The following MASP1 variants were observed in gnomAD, a reference collection of about 807,000 sequenced individuals.
The protein encoded by MASP1 is mannan-binding lectin serine protease 1.
In MASP1, 59 loss-of-function variants were observed where a neutral mutation model predicts 77.1. The observed-to-expected ratio is 0.77, with a 90% CI of 0.62 to 0.95. The LOEUF (loss-of-function observed/expected upper bound fraction) is 0.95. Among genes scored for constraint, MASP1 ranks in the 40% least tolerant of loss-of-function variants. MASP1 has a pLI of 0.00. For synonymous variants in MASP1, 362 were observed against 354.5 expected (o/e 1.02, Z -0.24); for missense variants, 885 against 912.9 (o/e 0.97, Z 0.39).
chr3:187,250,438 G>T, intron 7 of MASP1, 109 bp from the exon 8 acceptor site: 1 of 837,174 alleles, frequency 1.2e-6, no homozygotes, highest in Non-Finnish European at 2.1e-6. Context: ...GATCTCGACT[G>T]AGATTTTCCA....
chr3:187,257,015 G>T (rs80241290), intron 4 of MASP1, among the ~76,000 whole-genome samples, 155 bp from the exon 5 acceptor site: 5 of 152,078 alleles, frequency 3.3e-5, no homozygotes, highest in Non-Finnish European at 5.9e-5. Flanking sequence ...TGAAGCTCAA[G>T]GTCGCATGTC....
Position 187,226,474 on chromosome 3 carries a change from G to A in MASP1, c.1488C>T (p.Leu496=), listed in dbSNP as rs756583666. The stretch of plus-strand genomic sequence containing the variant: ...CACGTAGGGTCGGATCTTCCGGATC[G>A]AGTGACTGGTGGAGGCAGTGTGCGG... The change falls in exon 12 of 16, where the codon CTC becomes CTT. Residue 496 remains leucine (L), a synonymous_variant. Transcript: ENST00000337774. 23 of 1,612,862 alleles carry A rather than the reference G, an allele frequency of 1.4e-5. No individual in the cohort carries two copies. The East Asian group carries it at 1.8e-4, about 13-fold the overall frequency.
chr3:187,281,570 C>T (rs1335329843), intron 2 of MASP1, among the ~76,000 whole-genome samples: 1 of 152,194 alleles, frequency 6.6e-6, no homozygotes, highest in Non-Finnish European at 1.5e-5. Flanking sequence ...GATGACATAC[C>T]ACCAAGGCAT....
intron 8 of MASP1, chr3:187,246,322 C>T (rs935293526): frequency 3.2e-6 from 3 of 936,926 alleles, no homozygotes; most frequent in East Asian, 1.2e-4. Flanking sequence ...ATTCTGATGC[C>T]CTGTATGTCA....
exon 12 of MASP1, chr3:187,226,430 G>A: frequency 6.2e-7 from 1 of 1,611,456 alleles, no homozygotes; most frequent in Non-Finnish European, 8.5e-7. Context: ...GAAGTCAGAA[G>A]GGCTGAGCAA....
intron 8 of MASP1, 103 bp from the exon 9 acceptor site, chr3:187,243,724 C>A: frequency 7.1e-7 from 1 of 1,406,172 alleles, no homozygotes; most frequent in Non-Finnish European, 1.0e-6. Context: ...GCACTGCACA[C>A]AATTCCAGAA....
rs373857008 is a variant in MASP1 at position 187,235,957 on chromosome 3, C to T, written c.1914G>A (p.Ser638=). 26 of 1,614,096 alleles carry T rather than the reference C, an allele frequency of 1.6e-5. No homozygotes were observed. The highest frequency in any genetic ancestry group is 4.5e-5 in the East Asian group (2 of 44,904). Reference sequence around the variant, plus strand: ...TGTTCTCCGTGACGCTGTAATTGCCCGAGCGGGACTCATAGCTAGTTTTGC... The same window carrying T: ...TGTTCTCCGTGACGCTGTAATTGCCTGAGCGGGACTCATAGCTAGTTTTGC... ...AECKTSYESR[S]GNYSVTENMF... is the part of the protein sequence containing the mutation. The change falls in exon 11 of 11, where the codon TCG becomes TCA. Residue 638 remains serine (S), a synonymous_variant. Coordinates refer to ENST00000296280, the MANE Select transcript of MASP1 (RefSeq NM_139125.4).
chr3:187,263,031 T>A, intron 2 of MASP1: 1 of 343,842 alleles, frequency 2.9e-6, no homozygotes, highest in South Asian at 3.0e-5. Context: ...TTAGATAACC[T>A]CGCAGACAGA....
chr3:187,283,112 C>T (rs1303674319), intron 2 of MASP1, among the ~76,000 whole-genome samples: 4 of 152,104 alleles, frequency 2.6e-5, no homozygotes, highest in Admixed American at 2.6e-4. Flanking sequence ...CATGTAAGGG[C>T]CCAGGACCAT....
intron 2 of MASP1, among the ~76,000 whole-genome samples, chr3:187,272,613 T>C (rs1322681772): frequency 6.6e-6 from 1 of 151,958 alleles, no homozygotes; most frequent in Non-Finnish European, 1.5e-5. Context: ...ATGACAGCCA[T>C]GTGAAGACAG....
chr3:187,271,886 C>G (rs1363616419), intron 2 of MASP1, among the ~76,000 whole-genome samples: 2 of 152,210 alleles, frequency 1.3e-5, no homozygotes, highest in Non-Finnish European at 2.9e-5. Flanking sequence ...ACTCTGTCAC[C>G]TCCTCTCATT....
chr3:187,222,672 A>C (rs1579456264), intron 14 of MASP1, among the ~76,000 whole-genome samples: 1 of 148,378 alleles, frequency 6.7e-6, no homozygotes, highest in Non-Finnish European at 1.5e-5. Context: ...CCTTACTTTT[A>C]GTTAAGTGTT....
chr3:187,291,205 G>T (rs879811569), intron 1 of MASP1: 1 of 248,366 alleles, frequency 4.0e-6, no homozygotes, highest in Non-Finnish European at 8.0e-6. Flanking sequence ...TTTCTTTTCT[G>T]GTCAGAAGGA....
downstream of MASP1, chr3:187,234,010 C>A: frequency 9.1e-7 from 1 of 1,094,422 alleles, no homozygotes. Context: ...ATGAGGAGAC[C>A]AATTTCTTTT....
Position 187,236,191 on chromosome 3 carries a change from C to T in MASP1, c.1680G>A (p.Gln560=). The change falls in exon 11 of 11, where the codon CAG becomes CAA. Residue 560 remains glutamine (Q), a synonymous_variant. Transcript: ENST00000296280. ...CGTGGGGTCCCAGGGGCACAGGCTCCTGCAGCTGCACCAGAGCTATATCGT... is the reference window on the plus strand; with the variant it reads ...CGTGGGGTCCCAGGGGCACAGGCTCTTGCAGCTGCACCAGAGCTATATCGT... ...YNHDIALVQL[Q]EPVPLGPHVM... 6.2e-7 allele frequency: 1 copy of T among 1,614,172 alleles called. No individual in the cohort carries two copies. The highest frequency in any genetic ancestry group is 8.5e-7 in the Non-Finnish European group (1 of 1,180,052).
chr3:187,269,820 T>C (rs80288719), intron 2 of MASP1, among the ~76,000 whole-genome samples: 11,886 of 152,250 alleles, frequency 0.078, 499 homozygotes, highest in African/African-American at 0.11. Context: ...CAAATAACTT[T>C]TCTTTTGGGT....
intron 8 of MASP1, among the ~76,000 whole-genome samples, chr3:187,248,560 C>T (rs886462061): frequency 6.6e-6 from 1 of 152,154 alleles, no homozygotes. Context: ...TTACCTTCTC[C>T]TTCAACATGG....
At chr3:187,276,241 A>T (rs1349462068) in intron 2 of MASP1, among the ~76,000 whole-genome samples, 1 of 152,112 alleles carries the variant, frequency 6.6e-6, no homozygotes, top group African/African-American at 2.4e-5. Flanking sequence ...GCCCTGCTCT[A>T]TTTTATTTTT....
At chr3:187,225,670 A>T (rs1712384015) in intron 12 of MASP1, among the ~76,000 whole-genome samples, 1 of 152,056 alleles carries the variant, frequency 6.6e-6, no homozygotes, top group South Asian at 2.1e-4. Context: ...CCTATTGGTC[A>T]TTCTCTACAT....
Sources: gnomAD v4.1 joint callset for allele counts (sites outside exome capture counted in the v4.1 genomes callset) on GRCh38, gnomAD v4.1.1 for gene constraint, MANE v1.5 for transcripts, NCBI Gene and HGNC (gene_info 2026-07-23, HGNC 2026-07-21) for gene names.